Variants in STK36 observed in about 807,000 individuals in gnomAD.
STK36 encodes the protein serine/threonine kinase 36.
Under a neutral mutation model 142.2 loss-of-function variants are expected in STK36, and 116 were observed. That is an observed-to-expected ratio of 0.82 (90% CI 0.70 to 0.95). The LOEUF is 0.95. STK36 is among the 40% of genes least tolerant of loss of function. The pLI is 0.00. For missense variants in STK36, 1,422 were observed against 1,617.2 expected (o/e 0.88, Z 2.07); for synonymous variants, 619 against 641.7 (o/e 0.96, Z 0.53).
chr2:218,700,025 G>A (rs6748839), intron 26 of STK36, among the ~76,000 whole-genome samples: 9,133 of 151,934 alleles, frequency 0.06, 912 homozygotes, highest in African/African-American at 0.21. Flanking sequence ...CCGGGTTCAA[G>A]CAGTTCTCCT....
intron 14 of STK36, among the ~76,000 whole-genome samples, chr2:218,691,176 T>C (rs990382765): frequency 2.0e-5 from 3 of 152,118 alleles, no homozygotes; most frequent in African/African-American, 7.2e-5. Flanking sequence ...GAATGGAGGA[T>C]TGAATGAGAA....
In STK36 at chr2:218,688,268, G is replaced by T. The variant is rs145119114; in HGVS notation, c.1381-429G>T. 23 of 434,498 alleles carry T rather than the reference G, an allele frequency of 5.3e-5. No homozygotes were observed. In the East Asian group the frequency reaches 1.7e-3, roughly 32 times the overall value. 26.9% of individuals were successfully genotyped at this position (434,498 alleles called of 1,614,324 possible). A position where few individuals can be genotyped will look rare whatever the true frequency, so the allele number is the denominator to read the frequency against. ...GGATTTGACCTGTGAGCCATAGTTT[G>T]TCAACCCTGATCTAGAGTTGAATAA... is the stretch of plus-strand genomic sequence containing the variant. On this transcript the variant is annotated intron_variant, in intron 11 of 26. Transcript: ENST00000295709.
chr2:218,699,098 C>T lies in STK36; in HGVS notation c.3554C>T (p.Pro1185Leu), dbSNP rs372206939. Residue 1185 changes from proline (P) to leucine (L), a missense_variant, in exon 26 of 27, where the codon CCT becomes CTT. Physicochemically the swap from Pro to Leu is moderately conservative, Grantham distance 98. This residue lies in a region of STK36 where 962 missense variants were observed against 1,167.5 expected (regional missense o/e 0.82). Transcript: ENST00000295709. ...AVGNAAYQAG[P>L]LGPALAAAVP... ...GGCAATGCAGCCTACCAGGCTGGTC[C>T]TCTGGGACCTGCCCTGGCAGCTGCA... 2.5e-6 allele frequency: 4 copies of T among 1,613,950 alleles called. No individual in the cohort carries two copies. Among genetic ancestry groups the T allele is most frequent in the Non-Finnish European group, 3.4e-6 (4 of 1,180,024 alleles).
At chr2:218,696,499 C>T (rs1941238062) in intron 21 of STK36, 28 bp from the exon 22 acceptor site, 2 of 1,609,634 alleles carry the variant, frequency 1.2e-6, no homozygotes, top group Non-Finnish European at 1.7e-6. Flanking sequence ...TCTTAGGCAC[C>T]TGCATTCTTC....
intron 22 of STK36, 156 bp downstream of exon 22, chr2:218,696,757 T>C: frequency 1.1e-6 from 1 of 934,118 alleles, no homozygotes; most frequent in Non-Finnish European, 1.8e-6. Context: ...CTGCCCTCAG[T>C]ACTGACCCTT....
intron 25 of STK36, 53 bp downstream of exon 25, chr2:218,698,054 C>T (rs927227881): frequency 1.2e-6 from 2 of 1,608,492 alleles, no homozygotes; most frequent in African/African-American, 2.7e-5. Flanking sequence ...AACCTTGTAT[C>T]CTCTAATTTA....
chr2:218,693,443 A>G, intron 17 of STK36, 99 bp downstream of exon 17: 1 of 1,122,306 alleles, frequency 8.9e-7, no homozygotes, highest in Non-Finnish European at 1.3e-6. Context: ...TAAAAGAGAG[A>G]GAGACTGAGA....
Position 218,694,008 on chromosome 2 carries a change from C to T in STK36, c.2336+25C>T, listed in dbSNP as rs1161283369. 1.2e-6 allele frequency: 2 copies of T among 1,609,522 alleles called. No homozygotes were observed. Among genetic ancestry groups the T allele is most frequent in the Admixed American group, 1.7e-5 (1 of 60,016 alleles). The stretch of plus-strand genomic sequence containing the variant: ...GGTAAGTCATAAAGTAGGGTGTCTC[C>T]ACAGAAGTCTTCTAGCCACATAGCT... On this transcript the variant is annotated intron_variant, in intron 19 of 26. Coordinates refer to ENST00000295709, the MANE Select transcript of STK36 (RefSeq NM_015690.5). This position sits in a 1 kb window ranked among gnomAD's most constrained non-coding sequence, Gnocchi z 4.4.
chr2:218,678,814 G>A (rs1940372316), intron 6 of STK36, among the ~76,000 whole-genome samples: 2 of 152,216 alleles, frequency 1.3e-5, no homozygotes, highest in African/African-American at 2.4e-5. Context: ...AATAGTTTGG[G>A]AGTTCTTTGA....
chr2:218,673,831 A>C, intron 3 of STK36, 48 bp from the exon 4 acceptor site: 3 of 1,614,142 alleles, frequency 1.9e-6, no homozygotes, highest in Non-Finnish European at 2.5e-6. Context: ...TCCCAACCTC[A>C]GAATGCATGA....
intron 9 of STK36, 106 bp downstream of exon 9, chr2:218,680,186 C>G: frequency 1.9e-6 from 2 of 1,067,566 alleles, no homozygotes; most frequent in Non-Finnish European, 2.7e-6. Context: ...ACTGCCTAAA[C>G]ATGGATAGAG....
In STK36 at chr2:218,673,906, G is replaced by A. The variant is rs753326142; in HGVS notation, c.253G>A (p.Gly85Arg). The A allele has an allele frequency of 2.4e-5, 38 of 1,614,020 alleles. No homozygotes were observed. The highest frequency in any genetic ancestry group is 3.2e-5 in the Non-Finnish European group (38 of 1,180,040). The change falls in exon 4 of 27, where the codon GGA becomes AGA. Residue 85 changes from glycine to arginine, a missense_variant. Transcript: ENST00000295709. ...EVVVVTDYAE[G>R]ELFQILEDDG... ...GGTGGTGGTGACAGACTATGCTGAG[G>A]GAGAGCTCTTTCAGATCCTAGAAGA...
rs150960485 is a variant in STK36 at position 218,696,403 on chromosome 2, A to G, written c.2512-124A>G. 186 of 795,902 alleles carry G rather than the reference A, an allele frequency of 2.3e-4. 1 individual carries two copies. The African/African-American group carries it at 2.9e-3, about 12-fold the overall frequency. 49.3% of individuals were successfully genotyped at this position (795,902 alleles called of 1,614,324 possible). A position where few individuals can be genotyped will look rare whatever the true frequency, so the allele number is the denominator to read the frequency against. ...CCGAAATGGTTCCCCCAGGCCCCAT[A>G]TATTCTACCTTCCGGTTGACTCTCA... On this transcript the variant is annotated intron_variant, in intron 21 of 26. Coordinates refer to ENST00000295709, the MANE Select transcript of STK36 (RefSeq NM_015690.5).
rs1234991462 is a variant in STK36 at position 218,673,930 on chromosome 2, G to T, written c.277G>T (p.Asp93Tyr). The change falls in exon 4 of 27, where the codon GAT becomes TAT. Residue 93 changes from aspartate to tyrosine, a missense_variant. By Grantham distance (160) the Asp-to-Tyr change is radical. This residue lies in a region of STK36 where 460 missense variants were observed against 449.6 expected (regional missense o/e 1.02). Transcript: ENST00000295709. ...GGGAGAGCTCTTTCAGATCCTAGAA[G>T]ATGACGGAAAACTTCCTGAAGACCA... Reference protein sequence around the residue: ...AEGELFQILEDDGKLPEDQVQ... With the variant: ...AEGELFQILEYDGKLPEDQVQ... 18 of 1,614,002 alleles carry T rather than the reference G, an allele frequency of 1.1e-5. No individual in the cohort carries two copies. The highest frequency in any genetic ancestry group is 1.3e-5 in the Non-Finnish European group (15 of 1,180,008).
chr2:218,685,018 C>T, intron 10 of STK36, 67 bp from the exon 11 acceptor site: 1 of 1,587,724 alleles, frequency 6.3e-7, no homozygotes, highest in Non-Finnish European at 8.6e-7. Context: ...ATGGTTTCTA[C>T]TGGTTGGGAT....
In STK36 at chr2:218,694,040, C is replaced by T; in HGVS notation, c.2336+57C>T. ...GTCTTCTAGCCACATAGCTAACCCTCACAAAGAGTATGGGGAATGGTACCC... is the reference window on the plus strand; with the variant it reads ...GTCTTCTAGCCACATAGCTAACCCTTACAAAGAGTATGGGGAATGGTACCC... On this transcript the variant is annotated intron_variant, in intron 19 of 26. Coordinates refer to ENST00000295709, the MANE Select transcript of STK36 (RefSeq NM_015690.5). The surrounding 1 kb of genome is among the most constrained non-coding windows in gnomAD (Gnocchi z 4.4). 6.5e-7 allele frequency: 1 copy of T among 1,533,204 alleles called. No homozygotes were observed. Among genetic ancestry groups the T allele is most frequent in the East Asian group, 2.2e-5 (1 of 44,486 alleles). The allele number at this position is 1,533,204 out of a possible 1,614,324, so 95.0% of individuals were successfully genotyped here.
intron 11 of STK36, among the ~76,000 whole-genome samples, chr2:218,688,198 AT>A (rs1477644062): frequency 2.0e-5 from 3 of 152,190 alleles, no homozygotes; most frequent in Non-Finnish European, 4.4e-5. Flanking sequence ...TAAAAATATA[AT>A]ACTATCCTTA....
At position 218,688,782 on chromosome 2, in the gene STK36, C is replaced by T; in HGVS notation, c.1466C>T (p.Ser489Phe). 6.2e-7 allele frequency: 1 copy of T among 1,614,220 alleles called. No individual in the cohort carries two copies. ...LSSLLSSCSDSVALYSFCREA... is the reference protein window; with the variant it reads ...LSSLLSSCSDFVALYSFCREA... ...AGTCTTCTCTCCAGCTGCAGTGATT[C>T]TGTTGCCTTGTATTCCTTCTGCCGG... The change falls in exon 12 of 27, where the codon TCT (serine) becomes TTT (phenylalanine). Residue 489 changes from serine (S) to phenylalanine (F), a missense_variant. Transcript: ENST00000295709.
chr2:218,673,419 G>A (rs1940080729), intron 2 of STK36, among the ~76,000 whole-genome samples: 1 of 152,042 alleles, frequency 6.6e-6, no homozygotes, highest in Admixed American at 6.6e-5. Flanking sequence ...TTTTGCAGAT[G>A]CTGTTTCCTC....
Sources: allele counts gnomAD v4.1 joint callset (sites outside exome capture counted in the v4.1 genomes callset), GRCh38; gene constraint gnomAD v4.1.1; regional missense constraint gnomAD v4.1.1; non-coding constraint Gnocchi (gnomAD v3.1); transcripts MANE v1.5; gene names NCBI Gene and HGNC (gene_info 2026-07-23, HGNC 2026-07-21).